MEOX1: variants seen among roughly 807,000 people sequenced by gnomAD.
MEOX1 encodes homeobox protein MOX-1.
MEOX1 carries 17 observed loss-of-function variants against 23.2 expected under a neutral mutation model. The ratio of observed to expected loss-of-function variants is 0.73; its 90% CI spans 0.50 to 1.10. The LOEUF is 1.10. MEOX1 is among the 50% of genes least tolerant of loss of function. The probability of loss-of-function intolerance (pLI) is 0.00; values close to 1 mark genes in which losing one functional copy is unlikely to be tolerated. For missense variants in MEOX1, 333 were observed against 332.2 expected (o/e 1.00, Z -0.02); for synonymous variants, 134 against 135.1 (o/e 0.99, Z 0.06).
intron 1 of MEOX1, among the ~76,000 whole-genome samples, chr17:43,645,230 G>A (rs1343787089): frequency 1.4e-5 from 2 of 141,456 alleles, no homozygotes; most frequent in African/African-American, 5.4e-5. Flanking sequence ...AGGCTAGAGT[G>A]CAGTGGTGCG....
At chr17:43,656,971 C>G (rs138076700) in intron 1 of MEOX1, among the ~76,000 whole-genome samples, 3 of 148,584 alleles carry the variant, frequency 2.0e-5, no homozygotes, top group Non-Finnish European at 4.5e-5. Context: ...TTCTTTCTCC[C>G]CGTTTGTTCA....
Position 43,661,224 on chromosome 17 carries a change from C to A in MEOX1, c.311G>T (p.Arg104Met). ...ACCCCCTGCCGGGCCTGAGTTGGGC[C>A]TGCGCCGGGCGTCTGAGACAGGGAA... is the stretch of plus-strand genomic sequence containing the variant. ...WHFPVSDARR[R>M]PNSGPAGGSK... Residue 104 changes from arginine to methionine, a missense_variant, in exon 1 of 3, where the codon AGG becomes ATG. Coordinates refer to ENST00000318579, the MANE Select transcript of MEOX1 (RefSeq NM_004527.4). 1 of 1,609,402 alleles carries A rather than the reference C, an allele frequency of 6.2e-7. No homozygotes were observed. The highest frequency in any genetic ancestry group is 1.1e-5 in the South Asian group (1 of 90,106).
At chr17:43,642,489 A>G (rs1367727876) in intron 2 of MEOX1, among the ~76,000 whole-genome samples, 1 of 152,170 alleles carries the variant, frequency 6.6e-6, no homozygotes, top group East Asian at 1.9e-4. Flanking sequence ...CATTTTACAG[A>G]TGGAGACCCA....
At chr17:43,660,947 C>T (rs751705578) in intron 1 of MEOX1, 119 bp downstream of exon 1, 1 of 593,788 alleles carries the variant, frequency 1.7e-6, no homozygotes, top group Admixed American at 3.0e-5. Context: ...GGTCCAGTCT[C>T]CTGCATTTGG....
At chr17:43,648,083 G>A (rs780585859) in intron 1 of MEOX1, among the ~76,000 whole-genome samples, 10 of 152,222 alleles carry the variant, frequency 6.6e-5, no homozygotes, top group Admixed American at 6.5e-5. Context: ...TCAGCAAGAT[G>A]GAAACACTAT....
intron 2 of MEOX1, among the ~76,000 whole-genome samples, chr17:43,642,901 T>C (rs1285233831): frequency 6.6e-6 from 1 of 152,208 alleles, no homozygotes; most frequent in East Asian, 1.9e-4. Context: ...GGTCCCAACC[T>C]AGCTGCATGT....
intron 1 of MEOX1, among the ~76,000 whole-genome samples, chr17:43,644,927 T>G (rs1972774426): frequency 6.6e-6 from 1 of 151,774 alleles, no homozygotes; most frequent in Admixed American, 6.6e-5. Context: ...AAAAAAAAAT[T>G]TAGGAAGGGC....
At position 43,640,446 on chromosome 17, in the gene MEOX1, G is replaced by A; in HGVS notation, c.*1464C>T. 6.6e-6 allele frequency: 1 copy of A among 152,064 alleles called. No individual in the cohort carries two copies. Among genetic ancestry groups the A allele is most frequent in the Non-Finnish European group, 1.5e-5 (1 of 68,018 alleles). The allele number at this position is 152,064 out of a possible 1,614,324, so 9.4% of individuals were successfully genotyped here. ...TTTTCTTACAAAGTGAATTGAGCTC[G>A]CACAATTAGCTTGATGTAATCTTAA... On this transcript the variant is annotated 3_prime_UTR_variant, in exon 3 of 3. Coordinates refer to ENST00000318579, the MANE Select transcript of MEOX1 (RefSeq NM_004527.4).
chr17:43,661,165 C>T lies in MEOX1; in HGVS notation c.370G>A (p.Val124Met). Residue 124 changes from valine (V) to methionine (M), a missense_variant, in exon 1 of 3, where the codon GTG (valine) becomes ATG (methionine). Transcript: ENST00000318579. ...KEMGTSSLGLVDTTGGPGDDY... is the reference protein window; with the variant it reads ...KEMGTSSLGLMDTTGGPGDDY... ...TCGCCTGGGCCTCCTGTGGTGTCCA[C>T]CAGGCCCAGGCTGCTGGTCCCCATT... The T allele has an allele frequency of 1.3e-6, 2 of 1,591,150 alleles. No homozygotes were observed. The highest frequency in any genetic ancestry group is 1.7e-4 in the Middle Eastern group (1 of 5,916).
chr17:43,651,128 C>T (rs901260260), intron 1 of MEOX1, among the ~76,000 whole-genome samples: 3 of 152,042 alleles, frequency 2.0e-5, no homozygotes, highest in African/African-American at 7.3e-5. Flanking sequence ...ACCATCCTGG[C>T]TAATATGGTG....
chr17:43,654,994 G>C (rs947081848), intron 1 of MEOX1, among the ~76,000 whole-genome samples: 12 of 152,236 alleles, frequency 7.9e-5, no homozygotes, highest in Non-Finnish European at 1.6e-4. Flanking sequence ...GGAGCTTGCA[G>C]TGAGCTGAGA....
chr17:43,646,081 C>T (rs1972805723), intron 1 of MEOX1, among the ~76,000 whole-genome samples: 1 of 152,184 alleles, frequency 6.6e-6, no homozygotes, highest in Admixed American at 6.5e-5. Flanking sequence ...GCCCGGGGGT[C>T]CGCGTCCGAT....
intron 1 of MEOX1, among the ~76,000 whole-genome samples, chr17:43,659,595 A>G (rs1371650309): frequency 6.6e-6 from 1 of 152,162 alleles, no homozygotes; most frequent in South Asian, 2.1e-4. Flanking sequence ...GTTTCCTACG[A>G]CAGGATTTTC....
intron 1 of MEOX1, among the ~76,000 whole-genome samples, chr17:43,645,152 C>T (rs1972778991): frequency 1.3e-5 from 2 of 149,360 alleles, no homozygotes; most frequent in African/African-American, 4.9e-5. Context: ...ATTTAAAAGA[C>T]GTTTGCTTCA....
chr17:43,649,489 T>C (rs1972875955), intron 1 of MEOX1, among the ~76,000 whole-genome samples: 1 of 152,096 alleles, frequency 6.6e-6, no homozygotes, highest in Non-Finnish European at 1.5e-5. Context: ...GTATTTTTAG[T>C]AGAGATGGGG....
chr17:43,651,473 C>G (rs1972915420), intron 1 of MEOX1, among the ~76,000 whole-genome samples: 1 of 152,016 alleles, frequency 6.6e-6, no homozygotes. Flanking sequence ...TCAGCTGTCA[C>G]CAAAGGAAGT....
chr17:43,657,586 G>T (rs1016660085), intron 1 of MEOX1, among the ~76,000 whole-genome samples: 2 of 152,106 alleles, frequency 1.3e-5, no homozygotes, highest in African/African-American at 4.8e-5. Flanking sequence ...GAGGAAGGAA[G>T]CGCAGAGAAC....
At chr17:43,657,964 ACT>A (rs1973069718) in intron 1 of MEOX1, among the ~76,000 whole-genome samples, 2 of 152,092 alleles carry the variant, frequency 1.3e-5, no homozygotes, top group South Asian at 2.1e-4. Flanking sequence ...TCACAGAGAG[ACT>A]CTCTATGGAA....
chr17:43,651,255 C>A (rs1972910968), intron 1 of MEOX1, among the ~76,000 whole-genome samples: 1 of 152,074 alleles, frequency 6.6e-6, no homozygotes, highest in African/African-American at 2.4e-5. Flanking sequence ...GGAGGCCGAG[C>A]TTGCAGGAAG....
Sources: allele counts gnomAD v4.1 joint callset (sites outside exome capture counted in the v4.1 genomes callset), GRCh38; gene constraint gnomAD v4.1.1; transcripts MANE v1.5; gene names NCBI Gene and HGNC (gene_info 2026-07-23, HGNC 2026-07-21).